SPEN: variants seen among roughly 807,000 people sequenced by gnomAD.
SPEN encodes spen family transcriptional repressor, also known as msx2-interacting protein.
Under a neutral mutation model 269.9 loss-of-function variants are expected in SPEN, and 18 were observed. The ratio of observed to expected loss-of-function variants is 0.07; its 90% confidence interval spans 0.05 to 0.10. The LOEUF is 0.10. Among genes scored for constraint, SPEN ranks in the 10% least tolerant of loss-of-function variants. The pLI is 1.00. For synonymous variants in SPEN, 1,726 were observed against 1,765.7 expected, an observed-to-expected ratio of 0.98 and a Z score of 0.56; for missense variants, 3,822 against 4,631.2, an observed-to-expected ratio of 0.83 and a Z score of 5.07.
intron 1 of SPEN, among the ~76,000 whole-genome samples, chr1:15,854,147 A>G (rs530073793): frequency 1.2e-4 from 18 of 152,254 alleles, no homozygotes; most frequent in Admixed American, 3.3e-4. Context: ...TTTGAGCTGT[A>G]GTTAACCATC....
At chr1:15,864,894 T>A (rs1480652514) in intron 1 of SPEN, among the ~76,000 whole-genome samples, 1 of 151,400 alleles carries the variant, frequency 6.6e-6, no homozygotes, top group African/African-American at 2.4e-5. Context: ...TGGGGAGGGG[T>A]CTTGCTTTGT....
intron 3 of SPEN, among the ~76,000 whole-genome samples, chr1:15,891,426 A>T (rs1304132818): frequency 4.7e-5 from 7 of 149,020 alleles, no homozygotes; most frequent in African/African-American, 1.7e-4. Flanking sequence ...ATCTCGGCTC[A>T]GTGCAAGGTC....
At chr1:15,924,402 G>T (rs1384852316) in intron 10 of SPEN, among the ~76,000 whole-genome samples, 2 of 152,284 alleles carry the variant, frequency 1.3e-5, no homozygotes. Context: ...GCAGTTTTGT[G>T]TGAGGGTTGA....
intron 3 of SPEN, among the ~76,000 whole-genome samples, chr1:15,895,911 T>C (rs1302749054): frequency 1.3e-5 from 2 of 151,920 alleles, no homozygotes; most frequent in Non-Finnish European, 2.9e-5. Flanking sequence ...CTTGAACTCC[T>C]GACCTCAGGT....
In SPEN at chr1:15,933,489, G is replaced by T. The variant is rs780855299; in HGVS notation, c.7249G>T (p.Val2417Phe). The change falls in exon 11 of 15, where the codon GTT (valine) becomes TTT (phenylalanine). Residue 2417 changes from valine (V) to phenylalanine (F), a missense_variant. Coordinates refer to ENST00000375759, the MANE Select transcript of SPEN (RefSeq NM_015001.3). This position sits in a 1 kb window ranked among gnomAD's most constrained non-coding sequence, Gnocchi z 5.7. ...STENSSQEIS[V>F]EERTPTKASV... is the part of the protein sequence containing the mutation. Reference sequence around the variant, plus strand: ...AGAGAATTCGTCCCAAGAAATCAGTGTTGAGGAAAGGACTCCAACCAAAGC... The same window carrying T: ...AGAGAATTCGTCCCAAGAAATCAGTTTTGAGGAAAGGACTCCAACCAAAGC... 1.7e-5 allele frequency: 27 copies of T among 1,614,094 alleles called. No homozygotes were observed. Among genetic ancestry groups the T allele is most frequent in the Non-Finnish European group, 2.3e-5 (27 of 1,180,002 alleles).
intron 3 of SPEN, among the ~76,000 whole-genome samples, chr1:15,883,264 CAT>C (rs1232923900): frequency 2.0e-5 from 3 of 152,120 alleles, no homozygotes; most frequent in African/African-American, 7.2e-5. Context: ...GGGAAGCAGA[CAT>C]GTGAAACCCT....
In SPEN at chr1:15,848,769, G is replaced by C. The variant is rs986973414; in HGVS notation, c.83+619G>C. Among the ~76,000 whole-genome samples, 3 of 152,044 alleles carry C rather than the reference G, an allele frequency of 2.0e-5. No individual in the cohort carries two copies. The highest frequency in any genetic ancestry group is 7.3e-5 in the African/African-American group (3 of 41,362). ...ATGGCAAACGTTTCTCGTTTTTGCG[G>C]GGCTGGGTGGAGAGTGGTGTGAAAT... On this transcript the variant is annotated intron_variant, in intron 1 of 14. Transcript: ENST00000375759. The surrounding 1 kb of genome is among the most constrained non-coding windows in gnomAD (Gnocchi z 5.1).
chr1:15,926,266 G>A (rs1177536925), intron 10 of SPEN, among the ~76,000 whole-genome samples: 3 of 151,856 alleles, frequency 2.0e-5, no homozygotes, highest in Non-Finnish European at 4.4e-5. Context: ...GCGTGGTGGC[G>A]CATGCCTGTA....
Position 15,922,294 on chromosome 1 carries a change from A to G in SPEN, c.1795A>G (p.Met599Val), listed in dbSNP as rs749208191. 3 of 1,608,568 alleles carry G rather than the reference A, an allele frequency of 1.9e-6. No individual in the cohort carries two copies. Among genetic ancestry groups the G allele is most frequent in the Non-Finnish European group, 2.5e-6 (3 of 1,178,830 alleles). ...RESQLAFYHCMEKSGQDIRDF... is the reference protein window; with the variant it reads ...RESQLAFYHCVEKSGQDIRDF... ...AAGTCAGCTGGCTTTTTATCACTGC[A>G]TGGAGAAATCTGGTCAAGACATCAG... The change falls in exon 10 of 15, where the codon ATG (methionine) becomes GTG (valine). Residue 599 changes from methionine to valine, a missense_variant. Around this residue, in one of 16 missense-constraint regions of SPEN, gnomAD observed 230 missense variants for 426.1 expected, o/e 0.54. Coordinates refer to ENST00000375759, the MANE Select transcript of SPEN (RefSeq NM_015001.3).
At chr1:15,877,063 G>C (rs1212137300) in intron 3 of SPEN, among the ~76,000 whole-genome samples, 1 of 152,158 alleles carries the variant, frequency 6.6e-6, no homozygotes, top group Non-Finnish European at 1.5e-5. Context: ...TGTAAAAGCT[G>C]TTTGGTTAAA....
At chr1:15,919,777 G>A (rs1221281503) in intron 8 of SPEN, among the ~76,000 whole-genome samples, 1 of 152,170 alleles carries the variant, frequency 6.6e-6, no homozygotes, top group African/African-American at 2.4e-5. Flanking sequence ...AAATAGAAAT[G>A]TTGCTTAGGG....
intron 9 of SPEN, among the ~76,000 whole-genome samples, 176 bp from the exon 10 acceptor site, chr1:15,922,073 T>G (rs2071124923): frequency 6.6e-6 from 1 of 152,252 alleles, no homozygotes; most frequent in Non-Finnish European, 1.5e-5. Context: ...ATACAGAATT[T>G]GAGAGATTTC....
chr1:15,904,992 G>A (rs1458370639), intron 3 of SPEN, among the ~76,000 whole-genome samples: 7 of 150,438 alleles, frequency 4.7e-5, no homozygotes, highest in African/African-American at 1.5e-4. Flanking sequence ...GGGTTCAAGT[G>A]ATTCTCCTGC....
At chr1:15,856,300 A>C (rs535138771) in intron 1 of SPEN, among the ~76,000 whole-genome samples, 1 of 151,936 alleles carries the variant, frequency 6.6e-6, no homozygotes, top group Non-Finnish European at 1.5e-5. Context: ...AGATGTTAGA[A>C]TCTTTAATGA....
chr1:15,930,128 C>T lies in SPEN; in HGVS notation c.3888C>T (p.Pro1296=). The part of the protein sequence containing the change: ...GSPKVDEKVL[P]YSNITVREES... ...CTAAAGTAGATGAAAAAGTCCTCCCCTATTCTAACATAACAGTCAGGGAAG... is the reference window on the plus strand; with the variant it reads ...CTAAAGTAGATGAAAAAGTCCTCCCTTATTCTAACATAACAGTCAGGGAAG... Residue 1296 remains proline, a synonymous_variant, in exon 11 of 15, where the codon CCC becomes CCT. Transcript: ENST00000375759. This position sits in a 1 kb window ranked among gnomAD's most constrained non-coding sequence, Gnocchi z 5.3. 20 of 1,614,176 alleles carry T rather than the reference C, an allele frequency of 1.2e-5. 1 individual carries two copies. The highest frequency in any genetic ancestry group is 1.7e-5 in the Non-Finnish European group (20 of 1,180,046).
intron 1 of SPEN, among the ~76,000 whole-genome samples, chr1:15,859,656 A>T (rs1171702136): frequency 6.6e-6 from 1 of 151,942 alleles, no homozygotes; most frequent in Non-Finnish European, 1.5e-5. Flanking sequence ...GGCTTGAGCC[A>T]CTGTGCCCGG....
intron 4 of SPEN, among the ~76,000 whole-genome samples, chr1:15,909,889 G>A (rs887015566): frequency 6.6e-6 from 1 of 152,068 alleles, no homozygotes; most frequent in Non-Finnish European, 1.5e-5. Context: ...ACTTTGGGAG[G>A]CCGAGGCGGG....
Position 15,876,439 on chromosome 1 carries a change from G to C in SPEN, c.642G>C (p.Val214=). 1 of 1,613,778 alleles carries C rather than the reference G, an allele frequency of 6.2e-7. No individual in the cohort carries two copies. Among genetic ancestry groups the C allele is most frequent in the Non-Finnish European group, 8.5e-7 (1 of 1,179,746 alleles). The stretch of plus-strand genomic sequence containing the variant: ...GCGAGCAGTTTACACTGCCCAGTGT[G>C]GTACACAGGGATATCTACAGGGATG... ...RAREQFTLPS[V]VHRDIYRDDI... Residue 214 remains valine (V), a synonymous_variant, in exon 3 of 15, where the codon GTG becomes GTC. Transcript: ENST00000375759.
chr1:15,938,556 G>GA (rs1451245226), intron 13 of SPEN, 162 bp from the exon 14 acceptor site: 6 of 588,040 alleles, frequency 1.0e-5, no homozygotes. Context: ...TTCTCAGGTT[G>GA]AAAAAAAGCT....
Sources: gnomAD v4.1 joint callset for allele counts (sites outside exome capture counted in the v4.1 genomes callset) on GRCh38, gnomAD v4.1.1 for gene constraint, gnomAD v4.1.1 regional missense constraint, Gnocchi (gnomAD v3.1) non-coding constraint, MANE v1.5 for transcripts, NCBI Gene and HGNC (gene_info 2026-07-23, HGNC 2026-07-21) for gene names.